SPATS2: variants seen among roughly 807,000 people sequenced by gnomAD.
SPATS2 encodes the protein spermatogenesis associated serine rich 2.
A neutral mutation model predicts 63.7 loss-of-function variants in SPATS2; 38 were observed. The observed-to-expected ratio is 0.60, with a 90% CI of 0.46 to 0.78. The LOEUF is 0.78. Among genes scored for constraint, SPATS2 ranks in the 30% least tolerant of loss-of-function variants. SPATS2 has a pLI of 0.00. For synonymous variants in SPATS2, 207 were observed against 232.9 expected, an observed-to-expected ratio of 0.89 and a Z score of 1.01; for missense variants, 588 against 666.2, an observed-to-expected ratio of 0.88 and a Z score of 1.29.
At position 49,483,476 on chromosome 12, in the gene SPATS2, G is replaced by C. The variant is rs376847740; in HGVS notation, c.26-1114G>C. Among the ~76,000 whole-genome samples the C allele has an allele frequency of 4.7e-4, 71 of 152,216 alleles. No individual in the cohort carries two copies. The South Asian group carries it at 0.012, about 26-fold the overall frequency. ...ATATTATATAGTCATCTAGAAAACT[G>C]AAGCTTAAATACTGTTTGTATAAGT... On this transcript the variant is annotated intron_variant, in intron 3 of 13. Coordinates refer to ENST00000552918, the MANE Select transcript of SPATS2 (RefSeq NM_023071.4).
At chr12:49,426,692 C>T (rs1409421417) in intron 2 of SPATS2, among the ~76,000 whole-genome samples, 5 of 151,990 alleles carry the variant, frequency 3.3e-5, no homozygotes, top group East Asian at 1.9e-4. Context: ...TACAGGCGCC[C>T]GCCACCTCGC....
At chr12:49,450,890 A>G (rs1329951418) in intron 2 of SPATS2, among the ~76,000 whole-genome samples, 1 of 143,176 alleles carries the variant, frequency 7.0e-6, no homozygotes, top group African/African-American at 2.6e-5. Context: ...TTTTCTTGAG[A>G]TGATGTCTCA....
chr12:49,481,458 ATTTTTTTTTTT>A (rs1013711085), intron 3 of SPATS2, among the ~76,000 whole-genome samples: 3 of 97,816 alleles, frequency 3.1e-5, no homozygotes, highest in East Asian at 3.0e-4. Flanking sequence ...AGGCTTCCTC[ATTTTTTTTTTT>A]TTTTTTTTTT....
chr12:49,417,164 T>A (rs1944903027), intron 2 of SPATS2, among the ~76,000 whole-genome samples: 1 of 152,210 alleles, frequency 6.6e-6, no homozygotes, highest in Non-Finnish European at 1.5e-5. Flanking sequence ...TCCTTTTGTA[T>A]CAGAGTAGGC....
intron 2 of SPATS2, among the ~76,000 whole-genome samples, chr12:49,455,498 C>T (rs1322316679): frequency 2.6e-5 from 4 of 152,186 alleles, no homozygotes; most frequent in Non-Finnish European, 5.9e-5. Context: ...GCCTCAGCTT[C>T]CCGGGCTCAA....
intron 3 of SPATS2, among the ~76,000 whole-genome samples, chr12:49,480,351 C>T (rs1009949618): frequency 2.6e-4 from 39 of 152,266 alleles, no homozygotes; most frequent in African/African-American, 9.4e-4. Flanking sequence ...AGATAGCACC[C>T]AAGGTGGTAG....
At chr12:49,522,228 G>GTTGAC (rs1555194188) in intron 11 of SPATS2, among the ~76,000 whole-genome samples, 1 of 151,826 alleles carries the variant, frequency 6.6e-6, no homozygotes, top group Non-Finnish European at 1.5e-5. Flanking sequence ...CATTTGCAAA[G>GTTGAC]TTGACTTTTC....
intron 2 of SPATS2, among the ~76,000 whole-genome samples, chr12:49,424,515 C>A (rs533551229): frequency 6.6e-6 from 1 of 151,988 alleles, no homozygotes; most frequent in Non-Finnish European, 1.5e-5. Context: ...TTTTATCTGT[C>A]TAGTAGATTG....
chr12:49,421,822 T>C (rs1470607990), intron 2 of SPATS2, among the ~76,000 whole-genome samples: 6 of 152,214 alleles, frequency 3.9e-5, no homozygotes, highest in African/African-American at 1.4e-4. Context: ...CTATGTACGC[T>C]ACCTAAACTG....
At chr12:49,478,351 C>T (rs1946153294) in intron 3 of SPATS2, among the ~76,000 whole-genome samples, 1 of 152,100 alleles carries the variant, frequency 6.6e-6, no homozygotes, top group Non-Finnish European at 1.5e-5. Context: ...CTTTTCTTTG[C>T]ACTTATATTT....
At chr12:49,469,113 A>AT (rs1188013101) in intron 3 of SPATS2, among the ~76,000 whole-genome samples, 1 of 151,930 alleles carries the variant, frequency 6.6e-6, no homozygotes, top group Non-Finnish European at 1.5e-5. Context: ...AAAATAAATT[A>AT]ATGGCCAGGC....
At position 49,493,266 on chromosome 12, in the gene SPATS2, G is replaced by A. The variant is rs143365702; in HGVS notation, c.265-1475G>A. Among the ~76,000 whole-genome samples the A allele has an allele frequency of 1.0e-3, 154 of 152,316 alleles. 1 individual carries two copies. Among genetic ancestry groups the A allele is most frequent in the African/African-American group, 3.4e-3 (142 of 41,578 alleles). On this transcript the variant is annotated intron_variant, in intron 6 of 13. Coordinates refer to ENST00000552918, the MANE Select transcript of SPATS2 (RefSeq NM_023071.4). ...TTAGGAATAGAATTAGGTGTTGCCA[G>A]TGGAGCTACGAGTTTGACAAAACAA... is the stretch of plus-strand genomic sequence containing the variant.
At chr12:49,380,360 C>A (rs889767826) in intron 2 of SPATS2, among the ~76,000 whole-genome samples, 7 of 151,890 alleles carry the variant, frequency 4.6e-5, no homozygotes, top group African/African-American at 1.7e-4. Flanking sequence ...AATACTAGTC[C>A]GTTGTTCAGA....
intron 4 of SPATS2, among the ~76,000 whole-genome samples, chr12:49,487,382 C>G (rs1267518742): frequency 6.6e-6 from 1 of 151,896 alleles, no homozygotes; most frequent in Non-Finnish European, 1.5e-5. Context: ...TCCCAGCTAC[C>G]TGGGAGACTG....
intron 2 of SPATS2, among the ~76,000 whole-genome samples, chr12:49,457,202 TC>T (rs1945734273): frequency 6.6e-6 from 1 of 152,112 alleles, no homozygotes; most frequent in Non-Finnish European, 1.5e-5. Flanking sequence ...CAGGTTGGGT[TC>T]TTCATCTGTT....
At chr12:49,472,188 T>C (rs993233083) in intron 3 of SPATS2, among the ~76,000 whole-genome samples, 14 of 152,144 alleles carry the variant, frequency 9.2e-5, no homozygotes, top group Middle Eastern at 6.8e-3. Context: ...TTTAAAATTA[T>C]AAAAATAGAG....
chr12:49,432,804 A>C (rs1006531247), intron 2 of SPATS2, among the ~76,000 whole-genome samples: 15 of 152,076 alleles, frequency 9.9e-5, no homozygotes, highest in African/African-American at 3.6e-4. Context: ...TATATACCAC[A>C]TTTTATCTAT....
intron 2 of SPATS2, among the ~76,000 whole-genome samples, chr12:49,457,414 G>C (rs981569521): frequency 6.6e-6 from 1 of 151,596 alleles, no homozygotes; most frequent in Non-Finnish European, 1.5e-5. Flanking sequence ...ACTATGGTTA[G>C]TTGTTGATTG....
intron 3 of SPATS2, among the ~76,000 whole-genome samples, chr12:49,467,966 C>T (rs945347402): frequency 2.6e-5 from 4 of 152,046 alleles, no homozygotes; most frequent in African/African-American, 9.7e-5. Flanking sequence ...ATCTCCTGAC[C>T]TCGTGATCCA....
Sources: allele counts gnomAD v4.1 joint callset (sites outside exome capture counted in the v4.1 genomes callset), GRCh38; gene constraint gnomAD v4.1.1; transcripts MANE v1.5; gene names NCBI Gene and HGNC (gene_info 2026-07-23, HGNC 2026-07-21).